Variants in MARVELD3 observed in about 807,000 individuals in gnomAD.
MARVELD3 encodes MARVEL domain containing 3, also known as MARVEL domain-containing protein 3.
MARVELD3 carries 28 observed loss-of-function variants against 33.5 expected under a neutral mutation model. That is an observed-to-expected ratio of 0.84 (90% CI 0.62 to 1.15). The LOEUF (loss-of-function observed/expected upper bound fraction) is 1.15. Ranked by LOEUF, MARVELD3 falls within the 50% of genes most tolerant of loss-of-function variation. The probability of loss-of-function intolerance (pLI) is 0.00; values close to 1 mark genes in which losing one functional copy is unlikely to be tolerated. For synonymous variants in MARVELD3, 241 were observed against 230.4 expected (o/e 1.05, Z -0.42); for missense variants, 582 against 547.6 (o/e 1.06, Z -0.63).
At chr16:71,640,031 G>A (rs1221878800), downstream of MARVELD3, among the ~76,000 whole-genome samples, 1 of 152,098 alleles carries the variant, frequency 6.6e-6, no homozygotes, top group Non-Finnish European at 1.5e-5. Flanking sequence ...GACTTTGGGA[G>A]GCCAAGGCAG....
At position 71,626,243 on chromosome 16, in the gene MARVELD3, C is replaced by T. The variant is rs1161760155; in HGVS notation, c.14C>T (p.Ser5Leu). 8.7e-6 allele frequency: 13 copies of T among 1,487,246 alleles called. No homozygotes were observed. The highest frequency in any genetic ancestry group is 1.4e-5 in the African/African-American group (1 of 70,064). The allele number at this position is 1,487,246 out of a possible 1,614,324, so 92.1% of individuals were successfully genotyped here. The change falls in exon 1 of 3, where the codon TCG becomes TTG. Residue 5 changes from serine (S) to leucine (L), a missense_variant. Ser to Leu is a moderately radical substitution (Grantham distance 145). Coordinates refer to ENST00000268485, the MANE Select transcript of MARVELD3 (RefSeq NM_052858.6). The surrounding 1 kb of genome is among the most constrained non-coding windows in gnomAD (Gnocchi z 5.3). Reference sequence around the variant, plus strand: ...CGGAACCCGGCCATGGAAGATCCGTCGGGGGCTCGCGAGCCCCGGGCCCGG... The same window carrying T: ...CGGAACCCGGCCATGGAAGATCCGTTGGGGGCTCGCGAGCCCCGGGCCCGG... Reference protein sequence around the residue: MEDPSGAREPRARPR... With the variant: MEDPLGAREPRARPR...
Position 71,629,506 on chromosome 16 carries a change from T to G in MARVELD3, c.595+12T>G. The G allele has an allele frequency of 6.4e-7, 1 of 1,556,998 alleles. No individual in the cohort carries two copies. The highest frequency in any genetic ancestry group is 8.6e-7 in the Non-Finnish European group (1 of 1,158,222). Reference sequence around the variant, plus strand: ...GTGCACTGGGAGAGGTGAGCCGTTTTGCAGGCTGTTTGATCATTTACTGTC... The same window carrying G: ...GTGCACTGGGAGAGGTGAGCCGTTTGGCAGGCTGTTTGATCATTTACTGTC... On this transcript the variant is annotated intron_variant, in intron 2 of 2. Coordinates refer to ENST00000268485, the MANE Select transcript of MARVELD3 (RefSeq NM_052858.6).
At position 71,626,725 on chromosome 16, in the gene MARVELD3, C is replaced by T. The variant is rs946957014; in HGVS notation, c.467+29C>T. The T allele has an allele frequency of 5.4e-5, 77 of 1,423,584 alleles. No homozygotes were observed. The highest frequency in any genetic ancestry group is 6.4e-5 in the Non-Finnish European group (70 of 1,095,214). The allele number at this position is 1,423,584 out of a possible 1,614,324, so 88.2% of individuals were successfully genotyped here. On this transcript the variant is annotated intron_variant, in intron 1 of 2. Coordinates refer to ENST00000268485, the MANE Select transcript of MARVELD3 (RefSeq NM_052858.6). This position sits in a 1 kb window ranked among gnomAD's most constrained non-coding sequence, Gnocchi z 5.3. Reference sequence around the variant, plus strand: ...AGAGGGGCCGGGGCGCTGCGACCTCCGCGCCGGGGACACCTGTGGCCCAGG... The same window carrying T: ...AGAGGGGCCGGGGCGCTGCGACCTCTGCGCCGGGGACACCTGTGGCCCAGG...
At position 71,626,670 on chromosome 16, in the gene MARVELD3, A is replaced by C. The variant is rs892303494; in HGVS notation, c.441A>C (p.Gly147=). 3.3e-6 allele frequency: 5 copies of C among 1,516,092 alleles called. No homozygotes were observed. The highest frequency in any genetic ancestry group is 4.4e-6 in the Non-Finnish European group (5 of 1,136,800). The allele number at this position is 1,516,092 out of a possible 1,614,324, so 93.9% of individuals were successfully genotyped here. A position where few individuals can be genotyped will look rare whatever the true frequency, so the allele number is the denominator to read the frequency against. ...APEPPQPQRK[G]DPGRRRPESE... is the part of the protein sequence containing the mutation. ...AGCCGCCGCAGCCGCAGAGGAAGGG[A>C]GACCCCGGGCGCCGCAGACCCGAAA... is the stretch of plus-strand genomic sequence containing the variant. Residue 147 remains glycine, a synonymous_variant, in exon 1 of 3, where the codon GGA becomes GGC. Transcript: ENST00000268485. This position sits in a 1 kb window ranked among gnomAD's most constrained non-coding sequence, Gnocchi z 5.3.
chr16:71,630,539 G>A (rs959918230), intron 2 of MARVELD3, among the ~76,000 whole-genome samples: 28 of 151,382 alleles, frequency 1.8e-4, no homozygotes, highest in Non-Finnish European at 7.4e-5. Flanking sequence ...CAGGAGAATC[G>A]CTTGAACCCG....
intron 2 of MARVELD3, among the ~76,000 whole-genome samples, chr16:71,630,619 C>T (rs931740365): frequency 6.1e-5 from 9 of 147,784 alleles, no homozygotes; most frequent in Admixed American, 5.4e-4. Context: ...AGCGAAACTA[C>T]GTCTTAAAAA....
Position 71,626,731 on chromosome 16 carries a change from G to A in MARVELD3, c.467+35G>A. The A allele has an allele frequency of 7.1e-7, 1 of 1,417,670 alleles. No individual in the cohort carries two copies. Among genetic ancestry groups the A allele is most frequent in the Non-Finnish European group, 9.2e-7 (1 of 1,090,706 alleles). The allele number at this position is 1,417,670 out of a possible 1,614,324, so 87.8% of individuals were successfully genotyped here. Reference sequence around the variant, plus strand: ...GCCGGGGCGCTGCGACCTCCGCGCCGGGGACACCTGTGGCCCAGGCCGGCC... The same window carrying A: ...GCCGGGGCGCTGCGACCTCCGCGCCAGGGACACCTGTGGCCCAGGCCGGCC... On this transcript the variant is annotated intron_variant, in intron 1 of 2. Coordinates refer to ENST00000268485, the MANE Select transcript of MARVELD3 (RefSeq NM_052858.6). This position sits in a 1 kb window ranked among gnomAD's most constrained non-coding sequence, Gnocchi z 5.3.
chr16:71,631,391 A>C (rs551581081), intron 2 of MARVELD3, among the ~76,000 whole-genome samples: 2 of 152,118 alleles, frequency 1.3e-5, no homozygotes, highest in Non-Finnish European at 2.9e-5. Flanking sequence ...CAATTGTTAC[A>C]TTGCATGTTT....
chr16:71,630,668 T>TAC (rs1175019564), intron 2 of MARVELD3, among the ~76,000 whole-genome samples: 1 of 151,128 alleles, frequency 6.6e-6, no homozygotes, highest in Non-Finnish European at 1.5e-5. Flanking sequence ...TATATATATA[T>TAC]ACACACACAT....
downstream of MARVELD3, chr16:71,640,673 A>C (rs909574647): frequency 5.0e-6 from 8 of 1,614,070 alleles, no homozygotes; most frequent in Non-Finnish European, 6.8e-6. Flanking sequence ...AGAGTCGAAC[A>C]ATGTTGTCAG....
At position 71,629,208 on chromosome 16, in the gene MARVELD3, G is replaced by C. The variant is rs138125861; in HGVS notation, c.468-159G>C. 6 of 768,154 alleles carry C rather than the reference G, an allele frequency of 7.8e-6. No individual in the cohort carries two copies. The African/African-American group carries it at 1.1e-4, about 14-fold the overall frequency. The allele number at this position is 768,154 out of a possible 1,614,324, so 47.6% of individuals were successfully genotyped here. On this transcript the variant is annotated intron_variant, in intron 1 of 2. Coordinates refer to ENST00000268485, the MANE Select transcript of MARVELD3 (RefSeq NM_052858.6). ...GCCAAGTATTTGGATGTCCCGTGGGGCCACTAAACCAGAGAATTCTCTGGA... is the reference window on the plus strand; with the variant it reads ...GCCAAGTATTTGGATGTCCCGTGGGCCCACTAAACCAGAGAATTCTCTGGA...
Position 71,635,063 on chromosome 16 carries a change from C to T in MARVELD3, c.*260C>T, listed in dbSNP as rs2145282470. On this transcript the variant is annotated 3_prime_UTR_variant, in exon 3 of 3. Transcript: ENST00000268485. ...AAAAAAATGGCCGGCCTCGGCGGCT[C>T]ACACCTGTAACCCCAGCACTTTGGG... The T allele has an allele frequency of 8.7e-7, 1 of 1,145,388 alleles. No homozygotes were observed. The highest frequency in any genetic ancestry group is 1.1e-6 in the Non-Finnish European group (1 of 926,764). 71.0% of individuals were successfully genotyped at this position (1,145,388 alleles called of 1,614,324 possible).
chr16:71,628,774 A>G (rs1325523916), intron 1 of MARVELD3, among the ~76,000 whole-genome samples: 4 of 152,126 alleles, frequency 2.6e-5, no homozygotes, highest in Admixed American at 6.6e-5. Flanking sequence ...ATGATGTTCT[A>G]GAAAGACTGT....
At chr16:71,632,153 A>G (rs1159945794) in intron 2 of MARVELD3, among the ~76,000 whole-genome samples, 1 of 152,220 alleles carries the variant, frequency 6.6e-6, no homozygotes, top group Non-Finnish European at 1.5e-5. Flanking sequence ...AGGCAGAACT[A>G]GTTTCTAATG....
chr16:71,640,969 G>A (rs767584918), downstream of MARVELD3: 35 of 1,613,660 alleles, frequency 2.2e-5, no homozygotes, highest in Admixed American at 6.7e-5. Flanking sequence ...AAAGGCAGCC[G>A]AGAACAGCCC....
At chr16:71,631,259 T>C (rs2044529469) in intron 2 of MARVELD3, among the ~76,000 whole-genome samples, 1 of 152,100 alleles carries the variant, frequency 6.6e-6, no homozygotes, top group African/African-American at 2.4e-5. Flanking sequence ...AGAAGTACAG[T>C]AAGATATCCA....
chr16:71,632,339 A>G (rs1448675044), intron 2 of MARVELD3, among the ~76,000 whole-genome samples: 1 of 152,200 alleles, frequency 6.6e-6, no homozygotes, highest in African/African-American at 2.4e-5. Context: ...TTTGTTGCAT[A>G]TAAGTTATAT....
At position 71,634,827 on chromosome 16, in the gene MARVELD3, ATGCAAG is replaced by A. The variant is rs2044568384; in HGVS notation, c.*27_*32del. ...AAGGGTTTCTAAAACGCTCTGACAG[ATGCAAG>A]TGGTGGTGGAAGGTAGTCTGAGCCA... is the stretch of plus-strand genomic sequence containing the variant. On this transcript the variant is annotated 3_prime_UTR_variant, in exon 3 of 3. Coordinates refer to ENST00000268485, the MANE Select transcript of MARVELD3 (RefSeq NM_052858.6). 5 of 1,554,078 alleles carry A rather than the reference ATGCAAG, an allele frequency of 3.2e-6. No individual in the cohort carries two copies. The African/African-American group carries it at 5.5e-5, about 17-fold the overall frequency.
At position 71,626,584 on chromosome 16, in the gene MARVELD3, G is replaced by A; in HGVS notation, c.355G>A (p.Ala119Thr). ...KPRQSRTRDG[A>T]RGLTWDAAAP... is the part of the protein sequence containing the mutation. ...GCGCCAAAGCCGGACGCGGGACGGA[G>A]CCCGGGGACTGACCTGGGACGCAGC... Residue 119 changes from alanine to threonine, a missense_variant, in exon 1 of 3, where the codon GCC becomes ACC. Physicochemically the swap from Ala to Thr is moderately conservative, Grantham distance 58. Coordinates refer to ENST00000268485, the MANE Select transcript of MARVELD3 (RefSeq NM_052858.6). This position sits in a 1 kb window ranked among gnomAD's most constrained non-coding sequence, Gnocchi z 5.3. The A allele has an allele frequency of 6.5e-7, 1 of 1,545,282 alleles. No homozygotes were observed. Among genetic ancestry groups the A allele is most frequent in the Middle Eastern group, 1.8e-4 (1 of 5,422 alleles).
Sources: gnomAD v4.1 joint callset for allele counts (sites outside exome capture counted in the v4.1 genomes callset) on GRCh38, gnomAD v4.1.1 for gene constraint, Gnocchi (gnomAD v3.1) non-coding constraint, MANE v1.5 for transcripts, NCBI Gene and HGNC (gene_info 2026-07-23, HGNC 2026-07-21) for gene names.